Variants in HDAC4 observed in about 807,000 individuals in gnomAD.
HDAC4 encodes the protein histone deacetylase A.
HDAC4 carries 16 observed loss-of-function variants against 135.1 expected under a neutral mutation model. The ratio of observed to expected loss-of-function variants is 0.12; its 90% CI spans 0.08 to 0.18. The LOEUF (loss-of-function observed/expected upper bound fraction) is 0.18. Ranked by LOEUF, HDAC4 falls within the 10% of genes least tolerant of loss-of-function variation. The probability of loss-of-function intolerance (pLI) is 1.00; values close to 1 mark genes in which losing one functional copy is unlikely to be tolerated. For synonymous variants in HDAC4, 685 were observed against 653.4 expected (o/e 1.05, Z -0.74); for missense variants, 1,143 against 1,511.8 (o/e 0.76, Z 4.05).
chr2:239,175,752 T>C (rs963037714), intron 5 of HDAC4, among the ~76,000 whole-genome samples: 2 of 152,220 alleles, frequency 1.3e-5, no homozygotes, highest in African/African-American at 4.8e-5. Context: ...AACTCACAGA[T>C]GAAATTCACT....
intron 4 of HDAC4, among the ~76,000 whole-genome samples, chr2:239,181,787 G>C (rs1169268523): frequency 6.6e-6 from 1 of 152,156 alleles, no homozygotes; most frequent in Non-Finnish European, 1.5e-5. Context: ...TGCCCCCAAG[G>C]GTTCCTGTGA....
chr2:239,129,010 G>A (rs1319524076), intron 11 of HDAC4, among the ~76,000 whole-genome samples: 2 of 152,206 alleles, frequency 1.3e-5, no homozygotes, highest in Admixed American at 1.3e-4. Flanking sequence ...TTCACACGGG[G>A]ACACAAGCCT....
At chr2:239,122,018 G>A (rs1272026439) in intron 12 of HDAC4, among the ~76,000 whole-genome samples, 1 of 152,216 alleles carries the variant, frequency 6.6e-6, no homozygotes, top group Non-Finnish European at 1.5e-5. Context: ...AATTCAGGAA[G>A]AACAAATGCA....
chr2:239,191,083 G>C, intron 3 of HDAC4: 1 of 442,182 alleles, frequency 2.3e-6, no homozygotes. Context: ...TGAGAGCCCA[G>C]CCTGCCTGCT....
chr2:239,332,104 G>C (rs981178106), intron 2 of HDAC4, among the ~76,000 whole-genome samples: 1 of 152,074 alleles, frequency 6.6e-6, no homozygotes, highest in Non-Finnish European at 1.5e-5. Context: ...ATAAACAAAG[G>C]CTAAACCTGA....
intron 3 of HDAC4, among the ~76,000 whole-genome samples, chr2:239,200,231 T>TG (rs1442846671): frequency 2.0e-5 from 3 of 152,206 alleles, no homozygotes; most frequent in Non-Finnish European, 4.4e-5. Flanking sequence ...CTCAGAGCTA[T>TG]GGAGAGCACC....
rs925277402 is a variant in HDAC4 at position 239,285,936 on chromosome 2, T to C, written c.23-49272A>G. ...CGGCCTCCTCACTCCCATCCCTCTA[T>C]TTCCAAACAGTAAGACCAGCGAGAC... On this transcript the variant is annotated intron_variant, in intron 2 of 26. Transcript: ENST00000543185. The surrounding 1 kb of genome is among the most constrained non-coding windows in gnomAD (Gnocchi z 4.5). Among the ~76,000 whole-genome samples, 12 of 152,042 alleles carry C rather than the reference T, an allele frequency of 7.9e-5. No homozygotes were observed. Among genetic ancestry groups the C allele is most frequent in the Non-Finnish European group, 1.6e-4 (11 of 68,014 alleles).
intron 2 of HDAC4, among the ~76,000 whole-genome samples, chr2:239,248,458 G>A (rs2048596080): frequency 6.6e-6 from 1 of 152,130 alleles, no homozygotes; most frequent in South Asian, 2.1e-4. Flanking sequence ...GGGATTACAG[G>A]CATGAGCTGC....
At position 239,068,684 on chromosome 2, in the gene HDAC4, C is replaced by T. The variant is rs1228130330; in HGVS notation, c.2751-77G>A. On this transcript the variant is annotated intron_variant, in intron 22 of 26. Transcript: ENST00000543185. This position sits in a 1 kb window ranked among gnomAD's most constrained non-coding sequence, Gnocchi z 4.4. ...CGGTCACAAAACCCCAAGGTTCCCT[C>T]TGGCATTGATAATGCCTGCCCCGCA... is the stretch of plus-strand genomic sequence containing the variant. The T allele has an allele frequency of 7.8e-7, 1 of 1,287,368 alleles. No individual in the cohort carries two copies. The highest frequency in any genetic ancestry group is 1.1e-6 in the Non-Finnish European group (1 of 883,644). The allele number at this position is 1,287,368 out of a possible 1,614,324, so 79.7% of individuals were successfully genotyped here. A position where few individuals can be genotyped will look rare whatever the true frequency, so the allele number is the denominator to read the frequency against.
rs551608379 is a variant in HDAC4, at chr2:239,211,999, C to T, written c.95-21922G>A. Among the ~76,000 whole-genome samples the T allele has an allele frequency of 2.6e-5, 4 of 152,268 alleles. No individual in the cohort carries two copies. In the South Asian group the frequency reaches 8.3e-4, roughly 32 times the overall value. On this transcript the variant is annotated intron_variant, in intron 3 of 26. Transcript: ENST00000543185. ...CCTTAGCTGACTATTTCATCAAAAGCACAGGGTCACTTTTTAGAAAACATC... is the reference window on the plus strand; with the variant it reads ...CCTTAGCTGACTATTTCATCAAAAGTACAGGGTCACTTTTTAGAAAACATC...
intron 6 of HDAC4, among the ~76,000 whole-genome samples, chr2:239,163,504 C>T (rs1414000266): frequency 1.3e-5 from 2 of 152,070 alleles, no homozygotes; most frequent in African/African-American, 4.8e-5. Flanking sequence ...GAAGTGTACC[C>T]CCAGACCACG....
intron 2 of HDAC4, among the ~76,000 whole-genome samples, chr2:239,350,798 G>C (rs187248516): frequency 1.3e-5 from 2 of 152,130 alleles, no homozygotes; most frequent in African/African-American, 4.8e-5. Context: ...CTCTGCGCCC[G>C]GCCGAGAACT....
intron 1 of HDAC4, among the ~76,000 whole-genome samples, chr2:239,369,436 G>A (rs890016043): frequency 2.6e-5 from 4 of 152,156 alleles, no homozygotes; most frequent in African/African-American, 7.2e-5. Context: ...CTACAGTCCC[G>A]CTAACCCGGT....
chr2:239,237,301 G>A (rs976738622), intron 2 of HDAC4, among the ~76,000 whole-genome samples: 20 of 152,062 alleles, frequency 1.3e-4, no homozygotes, highest in African/African-American at 4.6e-4. Flanking sequence ...GGCACAGGCT[G>A]GATTTAGACC....
intron 1 of HDAC4, among the ~76,000 whole-genome samples, chr2:239,359,407 C>A (rs1489729592): frequency 6.6e-6 from 1 of 152,218 alleles, no homozygotes; most frequent in African/African-American, 2.4e-5. Context: ...ATGATGTGGC[C>A]AGAATCCGGC....
chr2:239,183,063 A>AT lies in HDAC4; in HGVS notation c.340-6501dup, dbSNP rs573272083. Among the ~76,000 whole-genome samples the AT allele has an allele frequency of 7.9e-5, 12 of 152,300 alleles. No individual in the cohort carries two copies. In the East Asian group the frequency reaches 2.3e-3, roughly 29 times the overall value. ...ATGGGGCAAGGGCTGTTGGGAAGCA[A>AT]TTTTTTGCAGACTGAAACTATAATG... On this transcript the variant is annotated intron_variant, in intron 4 of 26. Transcript: ENST00000543185.
chr2:239,343,325 G>C (rs1289526664), intron 2 of HDAC4, among the ~76,000 whole-genome samples: 1 of 152,182 alleles, frequency 6.6e-6, no homozygotes, highest in South Asian at 2.1e-4. Flanking sequence ...CTCAGAGTTC[G>C]CTTGGTTATG....
At position 239,061,348 on chromosome 2, in the gene HDAC4, T is replaced by C. The variant is rs566215685; in HGVS notation, c.3003+5374A>G. Among the ~76,000 whole-genome samples the C allele has an allele frequency of 1.0e-4, 15 of 149,712 alleles. No individual in the cohort carries two copies. In the East Asian group the frequency reaches 2.8e-3, roughly 28 times the overall value. On this transcript the variant is annotated intron_variant, in intron 24 of 26. Coordinates refer to ENST00000543185, the MANE Select transcript of HDAC4 (RefSeq NM_001378414.1). ...CAAGAGGGCATACCTGTGTGGTGCATGTGATGTGTGAGACTGTGGTACCTG... is the reference window on the plus strand; with the variant it reads ...CAAGAGGGCATACCTGTGTGGTGCACGTGATGTGTGAGACTGTGGTACCTG...
intron 22 of HDAC4, among the ~76,000 whole-genome samples, chr2:239,076,147 C>G (rs1382402011): frequency 6.6e-6 from 1 of 150,888 alleles, no homozygotes; most frequent in Non-Finnish European, 1.5e-5. Flanking sequence ...CAGGCGGGTG[C>G]CGGGCCACTC....
Sources: gnomAD v4.1 joint callset for allele counts (sites outside exome capture counted in the v4.1 genomes callset) on GRCh38, gnomAD v4.1.1 for gene constraint, Gnocchi (gnomAD v3.1) non-coding constraint, MANE v1.5 for transcripts, NCBI Gene and HGNC (gene_info 2026-07-23, HGNC 2026-07-21) for gene names.